The following ARHGAP27 variants were observed in gnomAD, a reference collection of about 807,000 sequenced individuals.
ARHGAP27 encodes Rho GTPase activating protein 27.
Under a neutral mutation model 102.0 loss-of-function variants are expected in ARHGAP27, and 53 were observed. The ratio of observed to expected loss-of-function variants is 0.52; its 90% CI spans 0.42 to 0.65. ARHGAP27 has a LOEUF of 0.65. ARHGAP27 is among the 30% of genes least tolerant of loss of function. ARHGAP27 has a pLI of 0.00. For missense variants in ARHGAP27, 1,117 were observed against 1,256.2 expected, an observed-to-expected ratio of 0.89 and a Z score of 1.68; for synonymous variants, 525 against 542.8, an observed-to-expected ratio of 0.97 and a Z score of 0.46.
chr17:45,432,576 C>T (rs1335037865), intron 1 of ARHGAP27, among the ~76,000 whole-genome samples, 176 bp downstream of exon 1: 9 of 152,186 alleles, frequency 5.9e-5, no homozygotes, highest in African/African-American at 2.2e-4. Context: ...ATGCGGCCCG[C>T]GCAGCTCCCG....
intron 4 of ARHGAP27, chr17:45,410,513 A>G (rs1328050019): frequency 9.0e-7 from 1 of 1,106,964 alleles, no homozygotes; most frequent in Non-Finnish European, 1.2e-6. Context: ...TTATGCTTCT[A>G]GAAACACTGC....
chr17:45,405,052 C>G lies in ARHGAP27; in HGVS notation c.1120G>C (p.Asp374His). 1 of 1,611,892 alleles carries G rather than the reference C, an allele frequency of 6.2e-7. No individual in the cohort carries two copies. Among genetic ancestry groups the G allele is most frequent in the Non-Finnish European group, 8.5e-7 (1 of 1,178,638 alleles). ...PESLTSYPEE[D>H]YSPVGSFGEP... ...CCGAAAGAGCCCACGGGAGAATAGT[C>G]CTCCTCGGGGTAACTGGTCAGCGAC... is the stretch of plus-strand genomic sequence containing the variant. The change falls in exon 6 of 20, where the codon GAC (aspartate) becomes CAC (histidine). Residue 374 changes from aspartate to histidine, a missense_variant. Coordinates refer to ENST00000685559, the MANE Select transcript of ARHGAP27 (RefSeq NM_001282290.2).
In ARHGAP27 at chr17:45,404,348, C is replaced by T; in HGVS notation, c.1414-14G>A. ...CTCTGCTGGGACCTATGGGGGAAGACAGATAGATCCCACCAAGTCCCTCCT... is the reference window on the plus strand; with the variant it reads ...CTCTGCTGGGACCTATGGGGGAAGATAGATAGATCCCACCAAGTCCCTCCT... On this transcript the variant is annotated splice_polypyrimidine_tract_variant and intron_variant, in intron 8 of 19. Transcript: ENST00000685559. 2 of 1,613,964 alleles carry T rather than the reference C, an allele frequency of 1.2e-6. No homozygotes were observed. Among genetic ancestry groups the T allele is most frequent in the Non-Finnish European group, 1.7e-6 (2 of 1,179,874 alleles).
chr17:45,400,574 A>G (rs2046320701), intron 12 of ARHGAP27, among the ~76,000 whole-genome samples: 1 of 152,236 alleles, frequency 6.6e-6, no homozygotes, highest in Non-Finnish European at 1.5e-5. Context: ...AACTGTTTGA[A>G]GGATATACCT....
chr17:45,429,894 G>T lies in ARHGAP27; in HGVS notation c.386C>A (p.Ala129Glu). 1 of 1,179,230 alleles carries T rather than the reference G, an allele frequency of 8.5e-7. No homozygotes were observed. The highest frequency in any genetic ancestry group is 3.5e-4 in the Middle Eastern group (1 of 2,826). 73.0% of individuals were successfully genotyped at this position (1,179,230 alleles called of 1,614,324 possible). A position where few individuals can be genotyped will look rare whatever the true frequency, so the allele number is the denominator to read the frequency against. ...GGGCGCCAGGCTGCTGCGCTGGGTCGCGGCGCCGCGTTGCGCAGGGCCGCA... is the reference window on the plus strand; with the variant it reads ...GGGCGCCAGGCTGCTGCGCTGGGTCTCGGCGCCGCGTTGCGCAGGGCCGCA... ...SLCGPAQRGAATQRSSLAPGL... is the reference protein window; with the variant it reads ...SLCGPAQRGAETQRSSLAPGL... The change falls in exon 4 of 20, where the codon GCG becomes GAG. Residue 129 changes from alanine to glutamate, a missense_variant. Ala to Glu is a moderately radical substitution (Grantham distance 107, BLOSUM62 -1). This residue lies in a region of ARHGAP27 where 610 missense variants were observed against 716.4 expected (regional missense o/e 0.85). Transcript: ENST00000685559.
intron 2 of ARHGAP27, 150 bp from the exon 3 acceptor site, chr17:45,431,902 G>A (rs1338109908): frequency 2.7e-5 from 5 of 185,134 alleles, no homozygotes; most frequent in Non-Finnish European, 5.8e-5. Context: ...GCAGAAGGCC[G>A]GCACCTGGAG....
intron 4 of ARHGAP27, among the ~76,000 whole-genome samples, chr17:45,415,389 C>A (rs2048351781): frequency 6.6e-6 from 1 of 152,196 alleles, no homozygotes. Flanking sequence ...CGGCCTCATG[C>A]TTGGTGTCTC....
intron 5 of ARHGAP27, 51 bp from the exon 6 acceptor site, chr17:45,405,157 G>C: frequency 6.8e-7 from 1 of 1,467,492 alleles, no homozygotes; most frequent in Non-Finnish European, 9.0e-7. Context: ...AGTACTGCCT[G>C]CTGGCCCTGC....
At chr17:45,418,036 CAAA>C (rs781066887) in intron 4 of ARHGAP27, among the ~76,000 whole-genome samples, 1 of 83,126 alleles carries the variant, frequency 1.2e-5, no homozygotes. Context: ...GACTCTGTCT[CAAA>C]AAAAAAAAAA....
At chr17:45,396,450 C>A in intron 16 of ARHGAP27, 37 bp downstream of exon 16, 1 of 1,496,894 alleles carries the variant, frequency 6.7e-7, no homozygotes, top group South Asian at 1.3e-5. Flanking sequence ...TGCGGGCACC[C>A]CAATGCCTGC....
Position 45,404,502 on chromosome 17 carries a change from G to T in ARHGAP27, c.1356C>A (p.Ile452=). The change falls in exon 8 of 20, where the codon ATC becomes ATA. Residue 452 remains isoleucine (I), a synonymous_variant. Coordinates refer to ENST00000685559, the MANE Select transcript of ARHGAP27 (RefSeq NM_001282290.2). ...TGTCACCATCCTGGCTGGATTTATG[G>T]ATGCTTCGAGGGGCAGGGACAGGGA... is the stretch of plus-strand genomic sequence containing the variant. ...PQVPVPAPRS[I]HKSSQDGDTP... 6.2e-7 allele frequency: 1 copy of T among 1,613,542 alleles called. No homozygotes were observed. Among genetic ancestry groups the T allele is most frequent in the African/African-American group, 1.3e-5 (1 of 74,988 alleles).
rs777438341 is a variant in ARHGAP27, at chr17:45,405,684, C to T, written c.1057G>A (p.Asp353Asn). 13 of 1,594,030 alleles carry T rather than the reference C, an allele frequency of 8.2e-6. No individual in the cohort carries two copies. The highest frequency in any genetic ancestry group is 1.1e-5 in the Non-Finnish European group (13 of 1,173,774). The change falls in exon 5 of 20, where the codon GAC (aspartate) becomes AAC (asparagine). Residue 353 changes from aspartate (D) to asparagine (N), a missense_variant. This residue lies in a region of ARHGAP27 where 610 missense variants were observed against 716.4 expected (regional missense o/e 0.85). Coordinates refer to ENST00000685559, the MANE Select transcript of ARHGAP27 (RefSeq NM_001282290.2). The part of the protein sequence containing the change: ...QPGLSPGSPG[D>N]PRPPTPETDY... ...CTGGCCCTGCCCCTCACCCGCGGGT[C>T]CCCTGGGCTGCCAGGGCTCAGGCCC...
chr17:45,397,836 C>T, intron 13 of ARHGAP27, 113 bp downstream of exon 13: 1 of 859,470 alleles, frequency 1.2e-6, no homozygotes, highest in Non-Finnish European at 1.7e-6. Context: ...TTAGTGGGGA[C>T]TGCATTTGCA....
rs114188736 is a variant in ARHGAP27 at position 45,406,536 on chromosome 17, T to A, written c.658-453A>T. On this transcript the variant is annotated intron_variant, in intron 4 of 19. Transcript: ENST00000685559. ...CATTAATTATATTTATCAATAATAA[T>A]AAAACATCGATAACCCAGTTCTCAC... 7.5e-3 allele frequency among the ~76,000 whole-genome samples: 1,138 copies of A among 152,304 alleles called. 17 individuals are homozygous for A. The highest frequency in any genetic ancestry group is 0.027 in the African/African-American group (1,108 of 41,566).
intron 11 of ARHGAP27, among the ~76,000 whole-genome samples, chr17:45,403,079 AC>A (rs2046639552): frequency 6.6e-6 from 1 of 152,106 alleles, no homozygotes; most frequent in Non-Finnish European, 1.5e-5. Flanking sequence ...AGGTGTGCCC[AC>A]CCCCAGCCTC....
chr17:45,398,905 G>C (rs543648836), intron 12 of ARHGAP27, among the ~76,000 whole-genome samples: 1 of 152,170 alleles, frequency 6.6e-6, no homozygotes, highest in African/African-American at 2.4e-5. Flanking sequence ...ACTCAGAAAC[G>C]TTGTCCCACC....
At chr17:45,409,947 C>T (rs1271917550) in intron 4 of ARHGAP27, 1 of 442,330 alleles carries the variant, frequency 2.3e-6, no homozygotes, top group East Asian at 4.1e-5. Context: ...CCAAGAGGGA[C>T]CTGGCTCTCA....
At chr17:45,400,374 C>G (rs2046294772) in intron 12 of ARHGAP27, among the ~76,000 whole-genome samples, 1 of 152,164 alleles carries the variant, frequency 6.6e-6, no homozygotes, top group African/African-American at 2.4e-5. Context: ...TGCCTACAGG[C>G]CGCCCTGCAT....
chr17:45,424,822 A>G (rs950329010), intron 4 of ARHGAP27, among the ~76,000 whole-genome samples: 6 of 152,210 alleles, frequency 3.9e-5, no homozygotes, highest in African/African-American at 1.4e-4. Context: ...TGAAATAAAC[A>G]TTACAAAAAA....
Sources: allele counts gnomAD v4.1 joint callset (sites outside exome capture counted in the v4.1 genomes callset), GRCh38; gene constraint gnomAD v4.1.1; regional missense constraint gnomAD v4.1.1; transcripts MANE v1.5; gene names NCBI Gene and HGNC (gene_info 2026-07-23, HGNC 2026-07-21).